Variants in NCKAP5 observed in about 807,000 individuals in gnomAD.
NCKAP5 encodes the protein NCK associated protein 5.
NCKAP5 carries 92 observed loss-of-function variants against 167.0 expected under a neutral mutation model. The ratio of observed to expected loss-of-function variants is 0.55; its 90% confidence interval spans 0.47 to 0.66. The LOEUF is 0.66. Ranked by LOEUF, NCKAP5 falls within the 30% of genes least tolerant of loss-of-function variation. The pLI, the probability that NCKAP5 is intolerant of heterozygous loss-of-function variation, is 0.00. For synonymous variants in NCKAP5, 891 were observed against 877.4 expected, an observed-to-expected ratio of 1.02 and a Z score of -0.27; for missense variants, 2,378 against 2,315.0, an observed-to-expected ratio of 1.03 and a Z score of -0.56.
chr2:132,915,239 G>C (rs999487726), intron 8 of NCKAP5, among the ~76,000 whole-genome samples: 1 of 152,014 alleles, frequency 6.6e-6, no homozygotes, highest in South Asian at 2.1e-4. Flanking sequence ...TCTGAATGGT[G>C]AACAGTGGCA....
chr2:133,624,784 T>G, the NCKAP5 span, among the ~76,000 whole-genome samples: 5 of 152,212 alleles, frequency 3.3e-5, no homozygotes, highest in African/African-American at 1.2e-4. Context: ...ATGGCATGTG[T>G]CAGCACATGT....
chr2:132,885,175 C>G (rs1692114774), intron 8 of NCKAP5, among the ~76,000 whole-genome samples: 1 of 151,126 alleles, frequency 6.6e-6, no homozygotes, highest in Admixed American at 6.6e-5. Flanking sequence ...TCAGGATTAA[C>G]CTGCTACCAA....
intron 3 of NCKAP5, among the ~76,000 whole-genome samples, chr2:133,466,630 T>C (rs1469210205): frequency 6.6e-6 from 1 of 152,232 alleles, no homozygotes; most frequent in Non-Finnish European, 1.5e-5. Flanking sequence ...TATTGATTCT[T>C]CCTACCCATG....
rs190249079 is a variant in NCKAP5, at chr2:133,162,703, A to G, written c.208-32592T>C. 8.6e-5 allele frequency among the ~76,000 whole-genome samples: 13 copies of G among 151,642 alleles called. No homozygotes were observed. The East Asian group carries it at 2.5e-3, about 29-fold the overall frequency. Reference sequence around the variant, plus strand: ...TGTTTTTTTTTGTTTCTTTTTTTTTAATTTAGGAAATGTTCAAGTCTTTAC... The same window carrying G: ...TGTTTTTTTTTGTTTCTTTTTTTTTGATTTAGGAAATGTTCAAGTCTTTAC... On this transcript the variant is annotated intron_variant, in intron 5 of 19. Coordinates refer to ENST00000409261, the MANE Select transcript of NCKAP5 (RefSeq NM_207363.3).
At chr2:133,315,759 T>C (rs947688662) in intron 3 of NCKAP5, among the ~76,000 whole-genome samples, 3 of 152,128 alleles carry the variant, frequency 2.0e-5, no homozygotes, top group Non-Finnish European at 4.4e-5. Context: ...GCCACCAAAT[T>C]GGCCAATATA....
intron 11 of NCKAP5, among the ~76,000 whole-genome samples, chr2:132,807,302 G>T (rs1301750673): frequency 6.6e-6 from 1 of 151,986 alleles, no homozygotes; most frequent in Non-Finnish European, 1.5e-5. Flanking sequence ...AAGAATGATG[G>T]TGGTATTTTT....
chr2:132,832,154 T>C (rs1162244296), intron 11 of NCKAP5, among the ~76,000 whole-genome samples: 1 of 152,146 alleles, frequency 6.6e-6, no homozygotes, highest in Non-Finnish European at 1.5e-5. Flanking sequence ...ATCTGTAAAA[T>C]AGCATGATGG....
intron 19 of NCKAP5, among the ~76,000 whole-genome samples, chr2:132,696,609 C>T (rs1687335941): frequency 6.6e-6 from 1 of 152,094 alleles, no homozygotes; most frequent in Non-Finnish European, 1.5e-5. Flanking sequence ...GATTCCAGAG[C>T]CTGTAGTCTT....
rs566317223 is a variant in NCKAP5 at position 132,826,462 on chromosome 2, C to A, written c.808-29733G>T. ...CTTCTGGAACCATTATTTAATTCCC[C>A]AGTATGGTGTCAACCAAGGGGCTAT... On this transcript the variant is annotated intron_variant, in intron 11 of 19. Transcript: ENST00000409261. Among the ~76,000 whole-genome samples the A allele has an allele frequency of 4.6e-5, 7 of 152,250 alleles. No homozygotes were observed. The East Asian group carries it at 1.4e-3, about 29-fold the overall frequency.
At chr2:133,558,726 A>AAAAAAAAAAAAAAAAAAAAAG (rs1575157507) in intron 2 of NCKAP5, among the ~76,000 whole-genome samples, 1 of 144,758 alleles carries the variant, frequency 6.9e-6, no homozygotes. Context: ...AAAAAAAAAA[A>AAAAAAAAAAAAAAAAAAAAAG]GCCCATATGG....
intron 4 of NCKAP5, among the ~76,000 whole-genome samples, chr2:133,262,862 T>C (rs574882076): frequency 4.3e-4 from 65 of 152,318 alleles, no homozygotes; most frequent in African/African-American, 1.5e-3. Flanking sequence ...TACTGGGTGA[T>C]GGCACAAATA....
chr2:133,001,938 G>A (rs2077795946), intron 6 of NCKAP5, among the ~76,000 whole-genome samples: 1 of 152,216 alleles, frequency 6.6e-6, no homozygotes. Context: ...CATGAATGAA[G>A]TGTAGGCGTC....
intron 19 of NCKAP5, among the ~76,000 whole-genome samples, chr2:132,689,044 C>T (rs527832340): frequency 6.8e-6 from 1 of 147,938 alleles, no homozygotes. Flanking sequence ...ACTTCTCCTA[C>T]TTTGGTTGAA....
Position 132,920,702 on chromosome 2 carries a change from C to T in NCKAP5, c.580-41786G>A, listed in dbSNP as rs5009087. ...ATAAGTTAGTTTATATATATATATA[C>T]GTATATGTATATATATGTATATATA... On this transcript the variant is annotated intron_variant, in intron 8 of 19. Coordinates refer to ENST00000409261, the MANE Select transcript of NCKAP5 (RefSeq NM_207363.3). Among the ~76,000 whole-genome samples, 295 of 69,748 alleles carry T rather than the reference C, an allele frequency of 4.2e-3. 15 individuals carry two copies. Among genetic ancestry groups the T allele is most frequent in the Admixed American group, 0.016 (101 of 6,180 alleles). 45.8% of individuals were successfully genotyped at this position (69,748 alleles called of 152,430 possible). A position where few individuals can be genotyped will look rare whatever the true frequency, so the allele number is the denominator to read the frequency against.
chr2:132,732,089 G>A (rs1361039921), intron 16 of NCKAP5, 38 bp from the exon 17 acceptor site: 1 of 1,541,384 alleles, frequency 6.5e-7, no homozygotes, highest in Non-Finnish European at 8.8e-7. Context: ...GAATAGAGAA[G>A]GCTCACATAA....
chr2:132,712,379 G>C (rs184905890), intron 19 of NCKAP5, among the ~76,000 whole-genome samples: 21 of 152,232 alleles, frequency 1.4e-4, no homozygotes, highest in East Asian at 3.9e-4. Context: ...AGGCCTGGCG[G>C]GGTGGCTCAC....
At chr2:133,007,859 G>A (rs2078020637) in intron 6 of NCKAP5, among the ~76,000 whole-genome samples, 1 of 152,186 alleles carries the variant, frequency 6.6e-6, no homozygotes, top group Non-Finnish European at 1.5e-5. Flanking sequence ...GGAGAATGTA[G>A]TATGGATTTT....
the NCKAP5 span, among the ~76,000 whole-genome samples, chr2:133,612,519 T>C: frequency 2.0e-5 from 3 of 152,316 alleles, no homozygotes; most frequent in East Asian, 5.8e-4. Flanking sequence ...ATAATATATA[T>C]TGAAGTACTT....
At chr2:133,184,328 C>T (rs564008943) in intron 5 of NCKAP5, among the ~76,000 whole-genome samples, 9 of 152,230 alleles carry the variant, frequency 5.9e-5, no homozygotes, top group South Asian at 4.1e-4. Context: ...TAGTATTCTA[C>T]GGTGTATATG....
Sources: gnomAD v4.1 joint callset for allele counts (sites outside exome capture counted in the v4.1 genomes callset) on GRCh38, gnomAD v4.1.1 for gene constraint, MANE v1.5 for transcripts, NCBI Gene and HGNC (gene_info 2026-07-23, HGNC 2026-07-21) for gene names.